The following SARNP variants were observed in gnomAD, a reference collection of about 807,000 sequenced individuals.
The protein encoded by SARNP is SAP domain containing ribonucleoprotein, also known as SAP domain-containing ribonucleoprotein.
Under a neutral mutation model 38.1 loss-of-function variants are expected in SARNP, and 5 were observed. The observed-to-expected ratio is 0.13, with a 90% confidence interval of 0.07 to 0.28. The LOEUF is 0.28. SARNP is among the 10% of genes least tolerant of loss of function. The pLI is 1.00. For missense variants in SARNP, 180 were observed against 243.9 expected, an observed-to-expected ratio of 0.74 and a Z score of 1.75; for synonymous variants, 84 against 80.6, an observed-to-expected ratio of 1.04 and a Z score of -0.23.
At chr12:55,786,148 G>A (rs2136192322) in intron 9 of SARNP, among the ~76,000 whole-genome samples, 1 of 152,306 alleles carries the variant, frequency 6.6e-6, no homozygotes, top group East Asian at 1.9e-4. Context: ...TGATATTCCT[G>A]TAATGAAATA....
intron 9 of SARNP, among the ~76,000 whole-genome samples, chr12:55,772,078 C>T (rs1427893128): frequency 6.6e-6 from 1 of 152,112 alleles, no homozygotes; most frequent in Non-Finnish European, 1.5e-5. Flanking sequence ...TTTATGCCAA[C>T]CAGACGACAG....
At chr12:55,775,469 G>A (rs1879151120) in intron 9 of SARNP, among the ~76,000 whole-genome samples, 2 of 98,652 alleles carry the variant, frequency 2.0e-5, no homozygotes, top group Non-Finnish European at 2.1e-5. Context: ...GCTGAGGCAG[G>A]AGAATTGTTT....
At chr12:55,765,439 G>C (rs1440806631) in intron 9 of SARNP, among the ~76,000 whole-genome samples, 1 of 152,006 alleles carries the variant, frequency 6.6e-6, no homozygotes, top group African/African-American at 2.4e-5. Flanking sequence ...TGAATCCCTG[G>C]GCTCAAGTAA....
chr12:55,771,063 A>G (rs977767407), intron 9 of SARNP, among the ~76,000 whole-genome samples: 1 of 151,364 alleles, frequency 6.6e-6, no homozygotes, highest in Non-Finnish European at 1.5e-5. Flanking sequence ...TCAGCCTCCC[A>G]AGTAGCTGGG....
intron 9 of SARNP, among the ~76,000 whole-genome samples, chr12:55,784,872 T>C (rs1211293581): frequency 1.3e-5 from 2 of 152,162 alleles, no homozygotes; most frequent in African/African-American, 2.4e-5. Flanking sequence ...TTATAACCAA[T>C]GTAAATGGGA....
chr12:55,809,294 AT>A (rs1453360538), intron 1 of SARNP, among the ~76,000 whole-genome samples: 1 of 151,974 alleles, frequency 6.6e-6, no homozygotes, highest in African/African-American at 2.4e-5. Context: ...AAAAAAAAAA[AT>A]TAGCCGAGCA....
chr12:55,794,471 ACTT>A (rs1217425406), intron 6 of SARNP, 84 bp from the exon 7 acceptor site: 1 of 1,177,390 alleles, frequency 8.5e-7, no homozygotes, highest in East Asian at 2.4e-5. Context: ...TACATATGAC[ACTT>A]CTTGCTTGTG....
intron 1 of SARNP, among the ~76,000 whole-genome samples, chr12:55,807,736 C>T (rs1212546637): frequency 6.6e-6 from 1 of 151,218 alleles, no homozygotes; most frequent in East Asian, 1.9e-4. Flanking sequence ...ACGGCGTGAA[C>T]CCGGGAGGCG....
chr12:55,815,063 T>C (rs1880442506), intron 1 of SARNP, among the ~76,000 whole-genome samples: 2 of 152,026 alleles, frequency 1.3e-5, no homozygotes, highest in South Asian at 4.2e-4. Flanking sequence ...TTTTATTTTC[T>C]TTTTTTTGAG....
intron 9 of SARNP, among the ~76,000 whole-genome samples, chr12:55,774,708 G>T (rs1374325969): frequency 6.6e-6 from 1 of 151,332 alleles, no homozygotes; most frequent in Non-Finnish European, 1.5e-5. Context: ...TTCCAGCTTG[G>T]GTGACAAGAG....
intron 1 of SARNP, among the ~76,000 whole-genome samples, chr12:55,810,848 G>A (rs760791179): frequency 1.8e-4 from 28 of 151,746 alleles, no homozygotes; most frequent in Non-Finnish European, 3.1e-4. Context: ...AGTCCGAGGC[G>A]GGCGGATCAC....
chr12:55,763,234 C>T (rs1440200420), intron 9 of SARNP, among the ~76,000 whole-genome samples: 1 of 151,704 alleles, frequency 6.6e-6, no homozygotes, highest in East Asian at 1.9e-4. Flanking sequence ...ACATTATAGC[C>T]ATGAACATCT....
intron 9 of SARNP, among the ~76,000 whole-genome samples, chr12:55,778,907 G>A (rs972083254): frequency 3.5e-4 from 54 of 152,222 alleles, no homozygotes; most frequent in African/African-American, 1.3e-3. Context: ...AGAGGCAGAG[G>A]TTGCAGTGAG....
chr12:55,809,878 A>C (rs1205356526), intron 1 of SARNP, among the ~76,000 whole-genome samples: 2 of 152,266 alleles, frequency 1.3e-5, no homozygotes, highest in Non-Finnish European at 2.9e-5. Flanking sequence ...AGGTAAGTTA[A>C]CACTGGTTGA....
At chr12:55,780,372 T>C (rs1469188477) in intron 9 of SARNP, among the ~76,000 whole-genome samples, 1 of 151,818 alleles carries the variant, frequency 6.6e-6, no homozygotes, top group Non-Finnish European at 1.5e-5. Flanking sequence ...GAGAATTGCT[T>C]GAACCTGGGA....
At chr12:55,764,391 C>T (rs1242104489) in intron 9 of SARNP, among the ~76,000 whole-genome samples, 6 of 151,984 alleles carry the variant, frequency 3.9e-5, no homozygotes, top group Non-Finnish European at 7.4e-5. Context: ...ATTAGCTGGG[C>T]GTGGTGGCGC....
At chr12:55,790,205 G>C (rs1183059870) in intron 8 of SARNP, among the ~76,000 whole-genome samples, 1 of 145,386 alleles carries the variant, frequency 6.9e-6, no homozygotes, top group Non-Finnish European at 1.5e-5. Flanking sequence ...TCTACAAACA[G>C]AACTCCTAAA....
At chr12:55,770,850 T>C (rs925987727) in intron 9 of SARNP, among the ~76,000 whole-genome samples, 3 of 152,132 alleles carry the variant, frequency 2.0e-5, no homozygotes, top group Non-Finnish European at 4.4e-5. Context: ...TTGTGTGCCA[T>C]GGCTGTTTAC....
intron 1 of SARNP, 41 bp from the exon 2 acceptor site, chr12:55,803,769 T>G: frequency 7.8e-7 from 1 of 1,285,894 alleles, no homozygotes; most frequent in Non-Finnish European, 1.1e-6. Context: ...GTTAACAGGA[T>G]GAACACCAGT....
Sources: gnomAD v4.1 joint callset for allele counts (sites outside exome capture counted in the v4.1 genomes callset) on GRCh38, gnomAD v4.1.1 for gene constraint, MANE v1.5 for transcripts, NCBI Gene and HGNC (gene_info 2026-07-23, HGNC 2026-07-21) for gene names.